GREB1L: variants seen among roughly 807,000 people sequenced by gnomAD.
GREB1L encodes the protein GREB1 like retinoic acid receptor coactivator, also known as GREB1-like protein.
GREB1L carries 17 observed loss-of-function variants against 200.8 expected under a neutral mutation model. The ratio of observed to expected loss-of-function variants is 0.08; its 90% CI spans 0.06 to 0.13. The LOEUF (loss-of-function observed/expected upper bound fraction) is 0.13. GREB1L is among the 10% of genes least tolerant of loss of function. GREB1L has a pLI of 1.00. For missense variants in GREB1L, 1,657 were observed against 2,367.7 expected (o/e 0.70, Z 6.23); for synonymous variants, 789 against 893.0 (o/e 0.88, Z 2.08).
At position 21,485,785 on chromosome 18, in the gene GREB1L, C is replaced by G. The variant is rs1405864562; in HGVS notation, c.2690+32C>G. 8 of 1,545,996 alleles carry G rather than the reference C, an allele frequency of 5.2e-6. 1 individual carries two copies. The highest frequency in any genetic ancestry group is 1.8e-4 in the Middle Eastern group (1 of 5,656). On this transcript the variant is annotated intron_variant, in intron 18 of 32. Coordinates refer to ENST00000424526, the MANE Select transcript of GREB1L (RefSeq NM_001142966.3). Reference sequence around the variant, plus strand: ...AGTAAATAAGGCCTTCTGCTCTTCTCTCTAGCTGTACTTGCAGATCTAAAA... The same window carrying G: ...AGTAAATAAGGCCTTCTGCTCTTCTGTCTAGCTGTACTTGCAGATCTAAAA...
At chr18:21,496,428 CCAA>C in intron 20 of GREB1L, 23 bp from the exon 21 acceptor site, 1 of 1,551,086 alleles carries the variant, frequency 6.4e-7, no homozygotes, top group Non-Finnish European at 8.7e-7. Context: ...GATAGACTCA[CCAA>C]CAACACAATT....
At chr18:21,315,616 G>A (rs1346211038) in intron 1 of GREB1L, among the ~76,000 whole-genome samples, 1 of 152,126 alleles carries the variant, frequency 6.6e-6, no homozygotes, top group Non-Finnish European at 1.5e-5. Flanking sequence ...TCTGTTACCA[G>A]CCTCCTCCCA....
intron 1 of GREB1L, among the ~76,000 whole-genome samples, chr18:21,312,063 T>A (rs144810396): frequency 6.6e-6 from 1 of 152,136 alleles, no homozygotes; most frequent in East Asian, 1.9e-4. Context: ...CTCCCACTTA[T>A]AAGTTAGAAC....
At chr18:21,259,278 T>C (rs899971634) in intron 1 of GREB1L, among the ~76,000 whole-genome samples, 4 of 152,228 alleles carry the variant, frequency 2.6e-5, no homozygotes, top group African/African-American at 9.6e-5. Context: ...TTTCATGAAA[T>C]ACATTTGTCA....
intron 1 of GREB1L, among the ~76,000 whole-genome samples, chr18:21,246,499 C>T (rs944669187): frequency 6.6e-6 from 1 of 151,974 alleles, no homozygotes; most frequent in Admixed American, 6.6e-5. Context: ...TTTCTTTAGT[C>T]TTATACAAAG....
At chr18:21,267,219 G>T (rs1292144253) in intron 1 of GREB1L, among the ~76,000 whole-genome samples, 1 of 123,932 alleles carries the variant, frequency 8.1e-6, no homozygotes, top group African/African-American at 3.1e-5. Flanking sequence ...TTGAGACGGA[G>T]CACCCAGGCT....
At chr18:21,400,241 T>C (rs1012855564) in intron 5 of GREB1L, among the ~76,000 whole-genome samples, 6 of 152,196 alleles carry the variant, frequency 3.9e-5, no homozygotes, top group Non-Finnish European at 5.9e-5. Flanking sequence ...CTTTTCATCC[T>C]CCCAGTTTTC....
chr18:21,411,546 A>G (rs1334016562), intron 7 of GREB1L, among the ~76,000 whole-genome samples: 1 of 152,150 alleles, frequency 6.6e-6, no homozygotes, highest in African/African-American at 2.4e-5. Flanking sequence ...ACTAATATAC[A>G]CTGCTGGTAG....
intron 15 of GREB1L, among the ~76,000 whole-genome samples, chr18:21,458,308 C>T (rs1472935970): frequency 1.3e-5 from 2 of 152,146 alleles, no homozygotes; most frequent in Non-Finnish European, 1.5e-5. Flanking sequence ...TCTAGTGCCT[C>T]GTTTCATGCC....
At chr18:21,362,382 A>G (rs2039593562) in intron 1 of GREB1L, among the ~76,000 whole-genome samples, 2 of 152,198 alleles carry the variant, frequency 1.3e-5, no homozygotes, top group African/African-American at 2.4e-5. Context: ...TAGTAACCCC[A>G]AAGAAAAATG....
At chr18:21,497,599 G>A (rs1367655562) in intron 21 of GREB1L, among the ~76,000 whole-genome samples, 1 of 150,656 alleles carries the variant, frequency 6.6e-6, no homozygotes. Flanking sequence ...AGCCAAGATC[G>A]CACCACTGCA....
intron 1 of GREB1L, among the ~76,000 whole-genome samples, chr18:21,291,681 A>G (rs1487146117): frequency 2.6e-5 from 4 of 152,330 alleles, no homozygotes; most frequent in South Asian, 2.1e-4. Flanking sequence ...ACCTTCCACA[A>G]TATTGTGAAG....
chr18:21,326,574 C>T (rs186324528), intron 1 of GREB1L, among the ~76,000 whole-genome samples: 1 of 152,306 alleles, frequency 6.6e-6, no homozygotes, highest in Admixed American at 6.5e-5. Context: ...GTTGGATGAT[C>T]ATGTCTTTTA....
intron 21 of GREB1L, 98 bp from the exon 22 acceptor site, chr18:21,499,631 G>A (rs1331073806): frequency 2.0e-5 from 16 of 810,484 alleles, no homozygotes; most frequent in East Asian, 5.4e-5. Flanking sequence ...CCGCGGAGCC[G>A]AGCCCAGTGT....
chr18:21,472,965 C>G (rs1379784575), intron 15 of GREB1L, 66 bp from the exon 16 acceptor site: 1 of 1,130,650 alleles, frequency 8.8e-7, no homozygotes, highest in African/African-American at 1.6e-5. Flanking sequence ...GAACTCAAGT[C>G]TATCTCCTGT....
intron 22 of GREB1L, 92 bp from the exon 23 acceptor site, chr18:21,500,448 C>T (rs1042451170): frequency 4.1e-6 from 4 of 968,370 alleles, no homozygotes; most frequent in Non-Finnish European, 6.4e-6. Context: ...AGGCAGGAGA[C>T]ACTGCAGAGC....
intron 6 of GREB1L, among the ~76,000 whole-genome samples, chr18:21,402,669 C>A (rs2144550413): frequency 6.6e-6 from 1 of 151,946 alleles, no homozygotes; most frequent in Admixed American, 6.6e-5. Context: ...ACTACAGATA[C>A]ACACCACTGT....
chr18:21,461,237 C>T (rs1169188874), intron 15 of GREB1L, among the ~76,000 whole-genome samples: 1 of 152,130 alleles, frequency 6.6e-6, no homozygotes, highest in Admixed American at 6.6e-5. Context: ...ACCCACACGC[C>T]TCACCCCAGA....
chr18:21,387,418 A>C (rs1477536875), intron 4 of GREB1L: 1 of 152,256 alleles, frequency 6.6e-6, no homozygotes, highest in Non-Finnish European at 1.5e-5. Context: ...CTCTGGTTTT[A>C]GAGCAACATT....
Sources: allele counts gnomAD v4.1 joint callset (sites outside exome capture counted in the v4.1 genomes callset), GRCh38; gene constraint gnomAD v4.1.1; transcripts MANE v1.5; gene names NCBI Gene and HGNC (gene_info 2026-07-23, HGNC 2026-07-21).